FLNA: variants seen among roughly 807,000 people sequenced by gnomAD.
FLNA encodes filamin-A.
A neutral mutation model predicts 157.6 loss-of-function variants in FLNA; 7 were observed. The ratio of observed to expected loss-of-function variants is 0.04; its 90% confidence interval spans 0.03 to 0.08. FLNA has a LOEUF of 0.08. Among genes scored for constraint, FLNA ranks in the 10% least tolerant of loss-of-function variants. The pLI, the probability that FLNA is intolerant of heterozygous loss-of-function variation, is 1.00. For synonymous variants in FLNA, 1,103 were observed against 1,060.8 expected (o/e 1.04, Z -0.77); for missense variants, 1,750 against 2,398.4 (o/e 0.73, Z 5.65).
rs373103712 is a variant in FLNA, at chrX:154,349,812, C to T, written c.7389G>A (p.Ser2463=). 12 of 1,210,263 alleles carry T rather than the reference C, an allele frequency of 9.9e-6. No homozygotes were observed. Among genetic ancestry groups the T allele is most frequent in the Non-Finnish European group, 1.1e-5 (10 of 895,194 alleles). Residue 2463 remains serine, a synonymous_variant, in exon 46 of 48, where the codon TCG becomes TCA. Coordinates refer to ENST00000369850, the MANE Select transcript of FLNA (RefSeq NM_001110556.2). ...CCTTGGAGGGGCCGTCAATGGTCAC[C>T]GACAGGGCACCAGCTCCCGCATTGC... ...NTSNAGAGAL[S]VTIDGPSKVK...
intron 1 of FLNA, 134 bp from the exon 2 acceptor site, chrX:154,371,495 C>A: frequency 2.5e-6 from 1 of 401,361 alleles, no homozygotes; most frequent in East Asian, 4.4e-5. Context: ...GGAATGCCCC[C>A]ACTAGGCCCC....
intron 26 of FLNA, chrX:154,358,783 C>T: frequency 1.7e-6 from 1 of 589,977 alleles, no homozygotes; most frequent in Non-Finnish European, 2.8e-6. Context: ...GCCACATCTG[C>T]TCAGTGACCA....
rs782448596 is a variant in FLNA, at chrX:154,354,226, C to T, written c.5482G>A (p.Val1828Met). 6.6e-6 allele frequency: 8 copies of T among 1,210,672 alleles called. No homozygotes were observed. The highest frequency in any genetic ancestry group is 6.5e-5 in the Admixed American group (3 of 46,036). Residue 1828 changes from valine (V) to methionine (M), a missense_variant, in exon 34 of 48, where the codon GTG becomes ATG. Coordinates refer to ENST00000369850, the MANE Select transcript of FLNA (RefSeq NM_001110556.2). ...PTITDNKDGT[V>M]TVRYAPSEAG... ...TCGCTGGGTGCATACCGCACGGTCA[C>T]GGTGCCGTCTTTGTTGTCAGTGATG... is the stretch of plus-strand genomic sequence containing the variant.
chrX:154,369,663 A>ACCC (rs1206757310), intron 2 of FLNA, among the ~76,000 whole-genome samples: 5 of 109,812 alleles, frequency 4.6e-5, no homozygotes, highest in Admixed American at 3.8e-4. Context: ...GAGGGAGGAG[A>ACCC]CCCCCCCTAA....
rs782361173 is a variant in FLNA, at chrX:154,365,501, GC to G, written c.1430-16del. 15 of 1,208,589 alleles carry G rather than the reference GC, an allele frequency of 1.2e-5. No individual in the cohort carries two copies. The East Asian group carries it at 4.4e-4, about 36-fold the overall frequency. ...CGGGTTACAGGCTGCAGGCAGAGGG[GC>G]CAGCTGAGCACCAGCAGCTCGGCTG... On this transcript the variant is annotated splice_polypyrimidine_tract_variant and intron_variant, in intron 9 of 47. Coordinates refer to ENST00000369850, the MANE Select transcript of FLNA (RefSeq NM_001110556.2).
At chrX:154,363,780 G>A (rs782635218) in intron 15 of FLNA, among the ~76,000 whole-genome samples, 1 of 111,958 alleles carries the variant, frequency 8.9e-6, no homozygotes, top group Non-Finnish European at 1.9e-5. Flanking sequence ...AAACATGAAC[G>A]AAAACACGGA....
rs60436915 is a variant in FLNA at position 154,367,819 on chromosome X, C to T, written c.622+23G>A. 2,356 of 1,209,064 alleles carry T rather than the reference C, an allele frequency of 1.9e-3. 26 individuals carry two copies. The African/African-American group carries it at 0.036, about 19-fold the overall frequency. ...CCCATGGGTGACCCCAGCCCAGTCT[C>T]TCCTGCCTCTGCGCCCCCTCACCCG... On this transcript the variant is annotated intron_variant, in intron 3 of 47. Transcript: ENST00000369850.
intron 47 of FLNA, 115 bp downstream of exon 47, chrX:154,349,247 T>G: frequency 1.2e-6 from 1 of 854,186 alleles, no homozygotes; most frequent in Non-Finnish European, 1.7e-6. Context: ...GGGAGGTGGC[T>G]CTAGAAGTGA....
At chrX:154,368,986 G>A (rs991113520) in intron 2 of FLNA, among the ~76,000 whole-genome samples, 3 of 113,147 alleles carry the variant, frequency 2.7e-5, no homozygotes, top group Non-Finnish European at 5.6e-5. Flanking sequence ...CTGGGCTCTG[G>A]GCCCCACCCA....
intron 5 of FLNA, 29 bp downstream of exon 5, chrX:154,367,368 C>T (rs782405438): frequency 1.0e-5 from 12 of 1,205,655 alleles, no homozygotes; most frequent in South Asian, 5.3e-5. Context: ...CGTTGGCACA[C>T]GGGTGCACCC....
chrX:154,364,377 C>T lies in FLNA; in HGVS notation c.2023-5G>A, dbSNP rs782694533. The stretch of plus-strand genomic sequence containing the variant: ...TCCAGGCCCACGTGCCTTCACCTAG[C>T]GGGAGACCACCCAGCTGTCAGGGGG... On this transcript the variant is annotated splice_region_variant and splice_polypyrimidine_tract_variant and intron_variant, in intron 13 of 47. Transcript: ENST00000369850. 14 of 1,203,775 alleles carry T rather than the reference C, an allele frequency of 1.2e-5. No homozygotes were observed. In the East Asian group the frequency reaches 3.0e-4, roughly 26 times the overall value.
chrX:154,350,908 C>T lies in FLNA; in HGVS notation c.7156+1G>A, dbSNP rs112039129. ...GCGGCCGGGCAGGGACAGGGCCTCA[C>T]CTTGGTCAATTTCTGTGACATAGCA... On this transcript the variant is annotated splice_donor_variant, in intron 44 of 47. Transcript: ENST00000369850. LOFTEE classifies it high-confidence loss of function. 4 of 1,211,405 alleles carry T rather than the reference C, an allele frequency of 3.3e-6. No individual in the cohort carries two copies. Among genetic ancestry groups the T allele is most frequent in the Non-Finnish European group, 4.5e-6 (4 of 895,057 alleles).
intron 47 of FLNA, 55 bp from the exon 48 acceptor site, chrX:154,349,091 G>A: frequency 9.1e-7 from 1 of 1,101,861 alleles, no homozygotes; most frequent in Non-Finnish European, 1.2e-6. Context: ...TCCCGCTGGT[G>A]TCCTGCTCTC....
chrX:154,357,568 T>A lies in FLNA; in HGVS notation c.4811A>T (p.Tyr1604Phe). 1 of 1,211,959 alleles carries A rather than the reference T, an allele frequency of 8.3e-7. No individual in the cohort carries two copies. The highest frequency in any genetic ancestry group is 1.1e-6 in the Non-Finnish European group (1 of 895,399). ...CACGTCTGGCACGTAGGCCACTGTA[T>A]ACGTGCCGTCATGGTTGTCTTGGAT... ...THIQDNHDGTYTVAYVPDVTG... is the reference protein window; with the variant it reads ...THIQDNHDGTFTVAYVPDVTG... The change falls in exon 29 of 48, where the codon TAT becomes TTT. Residue 1604 changes from tyrosine (Y) to phenylalanine (F), a missense_variant. By Grantham distance (22) the Tyr-to-Phe change is conservative. This residue lies in a region of FLNA where 970 missense variants were observed against 1,302.6 expected (regional missense o/e 0.74). Transcript: ENST00000369850.
In FLNA at chrX:154,353,112, T is replaced by C; in HGVS notation, c.6115A>G (p.Ile2039Val). 1.2e-5 allele frequency: 14 copies of C among 1,211,273 alleles called. No individual in the cohort carries two copies. The highest frequency in any genetic ancestry group is 1.5e-5 in the Non-Finnish European group (13 of 895,321). Reference protein sequence around the residue: ...HVASSPIPVVISQSEIGDASR... With the variant: ...HVASSPIPVVVSQSEIGDASR... Reference sequence around the variant, plus strand: ...GCATCCCCAATTTCCGACTGGCTGATCACCACCGGGATGGGGCTGCTGGCC... The same window carrying C: ...GCATCCCCAATTTCCGACTGGCTGACCACCACCGGGATGGGGCTGCTGGCC... Residue 2039 changes from isoleucine (I) to valine (V), a missense_variant, in exon 38 of 48, where the codon ATC (isoleucine) becomes GTC (valine). Around this residue, in one of 5 missense-constraint regions of FLNA, gnomAD observed 970 missense variants for 1,302.6 expected, o/e 0.74. Coordinates refer to ENST00000369850, the MANE Select transcript of FLNA (RefSeq NM_001110556.2).
At chrX:154,367,239 A>G (rs782215473) in intron 5 of FLNA, among the ~76,000 whole-genome samples, 158 bp downstream of exon 5, 1 of 112,313 alleles carries the variant, frequency 8.9e-6, no homozygotes, top group Non-Finnish European at 1.9e-5. Context: ...TGTCGTTTTC[A>G]CTAGTCCCAA....
chrX:154,372,728 G>GTTT (rs59074156), intron 1 of FLNA, among the ~76,000 whole-genome samples: 7 of 98,252 alleles, frequency 7.1e-5, no homozygotes, highest in African/African-American at 2.6e-4. Context: ...TCCTCTGAGT[G>GTTT]TTTTTTTTTT....
At chrX:154,358,732 C>T (rs1393754292) in intron 26 of FLNA, 164 bp from the exon 27 acceptor site, 12 of 682,679 alleles carry the variant, frequency 1.8e-5, no homozygotes, top group Non-Finnish European at 2.5e-5. Context: ...GAAAGACACC[C>T]ATCTGGGTGC....
At chrX:154,350,581 G>T (rs1455049498) in intron 44 of FLNA, 2 of 382,624 alleles carry the variant, frequency 5.2e-6, no homozygotes, top group Admixed American at 4.3e-5. Context: ...AAGCCCACTG[G>T]GCTCCTCCTA....
Sources: gnomAD v4.1 joint callset for allele counts (sites outside exome capture counted in the v4.1 genomes callset) on GRCh38, gnomAD v4.1.1 for gene constraint, gnomAD v4.1.1 regional missense constraint, MANE v1.5 for transcripts, NCBI Gene and HGNC (gene_info 2026-07-23, HGNC 2026-07-21) for gene names.